Variants in ATRX observed in about 807,000 individuals in gnomAD.
ATRX encodes the protein chromatin remodeler ATRX.
ATRX carries 12 observed loss-of-function variants against 172.6 expected under a neutral mutation model. The ratio of observed to expected loss-of-function variants is 0.07; its 90% CI spans 0.04 to 0.11. The LOEUF is 0.11. Ranked by LOEUF, ATRX falls within the 10% of genes least tolerant of loss-of-function variation. The probability of loss-of-function intolerance (pLI) is 1.00; values close to 1 mark genes in which losing one functional copy is unlikely to be tolerated. For synonymous variants in ATRX, 674 were observed against 594.7 expected, an observed-to-expected ratio of 1.13 and a Z score of -1.94; for missense variants, 1,368 against 1,767.4, an observed-to-expected ratio of 0.77 and a Z score of 4.05.
At chrX:77,590,835 C>T (rs1229789821) in intron 26 of ATRX, among the ~76,000 whole-genome samples, 1 of 111,624 alleles carries the variant, frequency 9.0e-6, no homozygotes, top group African/African-American at 3.3e-5. Flanking sequence ...ATCTTCATAA[C>T]ATGGGTTAGG....
chrX:77,753,095 C>T (rs1240410781), intron 1 of ATRX, among the ~76,000 whole-genome samples: 1 of 111,269 alleles, frequency 9.0e-6, no homozygotes, highest in African/African-American at 3.3e-5. Flanking sequence ...TCCATCTGCT[C>T]CTGGGCTTTT....
At chrX:77,522,476 T>C in intron 31 of ATRX, 88 bp from the exon 32 acceptor site, 1 of 1,011,942 alleles carries the variant, frequency 9.9e-7, no homozygotes, top group South Asian at 2.0e-5. Flanking sequence ...AGAATCCACA[T>C]TCTCAGATCC....
At chrX:77,722,285 A>G (rs180675221) in intron 1 of ATRX, among the ~76,000 whole-genome samples, 1 of 111,191 alleles carries the variant, frequency 9.0e-6, no homozygotes, top group Middle Eastern at 4.6e-3. Context: ...TTCATGACTA[A>G]AACACCAAAA....
intron 2 of ATRX, among the ~76,000 whole-genome samples, chrX:77,702,142 C>T (rs781806933): frequency 2.0e-4 from 22 of 112,084 alleles, no homozygotes; most frequent in Admixed American, 1.8e-3. Context: ...AAGGAATCCA[C>T]TAAAGAATTA....
intron 1 of ATRX, among the ~76,000 whole-genome samples, chrX:77,740,053 CAAA>C (rs781860181): frequency 6.4e-5 from 3 of 47,052 alleles, no homozygotes; most frequent in African/African-American, 1.8e-4. Flanking sequence ...AACTCCATCC[CAAA>C]AAAAAAAAAA....
rs148896830 is a variant in ATRX at position 77,699,281 on chromosome X, G to A, written c.134-652C>T. Among the ~76,000 whole-genome samples the A allele has an allele frequency of 7.3e-3, 804 of 110,604 alleles. 10 individuals carry two copies. Among genetic ancestry groups the A allele is most frequent in the African/African-American group, 0.025 (746 of 30,387 alleles). On this transcript the variant is annotated intron_variant, in intron 2 of 34. Transcript: ENST00000373344. ...CCCAGGTAGCTGGGACTACAGGCGC[G>A]CACCACCACACCTGGCTAATTTTTT... is the stretch of plus-strand genomic sequence containing the variant.
chrX:77,638,601 TA>T (rs1205749597), intron 15 of ATRX, among the ~76,000 whole-genome samples: 4 of 113,193 alleles, frequency 3.5e-5, no homozygotes, highest in Admixed American at 9.3e-5. Context: ...ATGTCATCTA[TA>T]AAATGTTTGT....
At chrX:77,596,068 T>C (rs1557083715) in intron 25 of ATRX, 5 of 112,115 alleles carry the variant, frequency 4.5e-5, no homozygotes, top group Non-Finnish European at 9.4e-5. Context: ...TCATTCAAGA[T>C]GCTGCTTCTC....
At chrX:77,527,403 C>T (rs1411624720) in intron 30 of ATRX, among the ~76,000 whole-genome samples, 2 of 112,207 alleles carry the variant, frequency 1.8e-5, no homozygotes, top group Non-Finnish European at 3.8e-5. Flanking sequence ...AACCCCCACC[C>T]CCAGCCAGGG....
intron 1 of ATRX, among the ~76,000 whole-genome samples, chrX:77,733,071 A>C (rs1292011451): frequency 8.9e-6 from 1 of 112,495 alleles, no homozygotes; most frequent in Non-Finnish European, 1.9e-5. Context: ...TGTCAGTATA[A>C]AAAATCAATA....
chrX:77,708,399 G>A (rs782056745), intron 2 of ATRX, among the ~76,000 whole-genome samples: 4 of 112,348 alleles, frequency 3.6e-5, no homozygotes, highest in Admixed American at 9.5e-5. Flanking sequence ...AGTGGCTCAC[G>A]CCTGCAATCC....
intron 5 of ATRX, among the ~76,000 whole-genome samples, chrX:77,695,358 A>C (rs2072131563): frequency 9.0e-6 from 1 of 111,516 alleles, no homozygotes; most frequent in African/African-American, 3.3e-5. Context: ...TAAACACCCA[A>C]ATTTAACCTT....
At chrX:77,637,939 C>CAAAAAAAAAAAAAAAAAAAA (rs373944111) in intron 15 of ATRX, among the ~76,000 whole-genome samples, 4 of 42,863 alleles carry the variant, frequency 9.3e-5, no homozygotes, top group Non-Finnish European at 1.2e-4. Flanking sequence ...AGCTCCATCT[C>CAAAAAAAAAAAAAAAAAAAA]AAAAAAAAAA....
At chrX:77,673,921 CATT>C (rs1324930070) in intron 10 of ATRX, 2 of 110,523 alleles carry the variant, frequency 1.8e-5, no homozygotes, top group Admixed American at 1.9e-4. Context: ...AAAAAAGTAA[CATT>C]ATTATTAAAA....
chrX:77,602,998 T>C (rs1344841735), intron 22 of ATRX, among the ~76,000 whole-genome samples: 2 of 110,522 alleles, frequency 1.8e-5, no homozygotes, highest in East Asian at 5.7e-4. Context: ...AACAAACCCT[T>C]AGCCTATTAA....
chrX:77,699,827 C>T (rs1295444354), intron 2 of ATRX, among the ~76,000 whole-genome samples: 2 of 111,689 alleles, frequency 1.8e-5, no homozygotes, highest in Admixed American at 1.9e-4. Flanking sequence ...CAAATGTTCT[C>T]ACCACTTAAT....
chrX:77,698,901 C>T, intron 2 of ATRX: 1 of 374,804 alleles, frequency 2.7e-6, no homozygotes, highest in Admixed American at 3.4e-5. Flanking sequence ...TATTGCAAGA[C>T]ATTTCCCAGC....
At chrX:77,535,235 A>G (rs782720859) in intron 30 of ATRX, among the ~76,000 whole-genome samples, 1 of 112,029 alleles carries the variant, frequency 8.9e-6, no homozygotes, top group South Asian at 3.7e-4. Flanking sequence ...TCACGAGCAC[A>G]TAACCTTTGC....
At chrX:77,730,619 T>C (rs782138289) in intron 1 of ATRX, among the ~76,000 whole-genome samples, 3 of 112,218 alleles carry the variant, frequency 2.7e-5, no homozygotes, top group Non-Finnish European at 3.8e-5. Context: ...ATTAAAAATA[T>C]TGAAATAATA....
Sources: gnomAD v4.1 joint callset for allele counts (sites outside exome capture counted in the v4.1 genomes callset) on GRCh38, gnomAD v4.1.1 for gene constraint, MANE v1.5 for transcripts, NCBI Gene and HGNC (gene_info 2026-07-23, HGNC 2026-07-21) for gene names.